PKD1L3: variants seen among roughly 807,000 people sequenced by gnomAD.
PKD1L3 encodes polycystin 1 like 3, transient receptor potential channel interacting, also known as polycystin-1-like protein 3.
PKD1L3 carries 239 observed loss-of-function variants against 184.1 expected under a neutral mutation model. The observed-to-expected ratio is 1.30, with a 90% CI of 1.17 to 1.45. PKD1L3 has a LOEUF of 1.45. Among genes scored for constraint, PKD1L3 ranks in the 40% most tolerant of loss-of-function variants. The probability of loss-of-function intolerance (pLI) is 0.00; values close to 1 mark genes in which losing one functional copy is unlikely to be tolerated. For missense variants in PKD1L3, 2,660 were observed against 2,067.2 expected (o/e 1.29, Z -5.56); for synonymous variants, 996 against 778.8 (o/e 1.28, Z -4.64).
In PKD1L3 at chr16:71,963,291, G is replaced by A. The variant is rs1477784669; in HGVS notation, c.2526C>T (p.Cys842=). The change falls in exon 16 of 30, where the codon TGC becomes TGT. Residue 842 remains cysteine, a synonymous_variant. Transcript: ENST00000620267. ...MAVKRKWHFL[C]NCWLAVDLGD... Reference sequence around the variant, plus strand: ...CGAGGTCCACAGCCAGCCAGCAATTGCACAGGAAATGCCACTTCCTCTTAA... The same window carrying A: ...CGAGGTCCACAGCCAGCCAGCAATTACACAGGAAATGCCACTTCCTCTTAA... 1 of 1,551,394 alleles carries A rather than the reference G, an allele frequency of 6.4e-7. No individual in the cohort carries two copies. The highest frequency in any genetic ancestry group is 8.7e-7 in the Non-Finnish European group (1 of 1,146,822).
rs28573167 is a variant in PKD1L3, at chr16:71,979,481, C to T, written c.1398+305G>A. On this transcript the variant is annotated intron_variant, in intron 9 of 29. Coordinates refer to ENST00000620267, the MANE Select transcript of PKD1L3 (RefSeq NM_181536.2). ...CAAAACAAAACAAGACAAAACAAAACAAAACAAAACAAGAAAACAAAAAAC... is the reference window on the plus strand; with the variant it reads ...CAAAACAAAACAAGACAAAACAAAATAAAACAAAACAAGAAAACAAAAAAC... Among the ~76,000 whole-genome samples the T allele has an allele frequency of 5.3e-5, 8 of 152,058 alleles. No homozygotes were observed. In the South Asian group the frequency reaches 1.7e-3, roughly 32 times the overall value.
intron 3 of PKD1L3, among the ~76,000 whole-genome samples, chr16:71,991,760 G>A (rs1208750804): frequency 2.0e-5 from 3 of 152,310 alleles, no homozygotes; most frequent in Non-Finnish European, 2.9e-5. Flanking sequence ...GTAGCATCAT[G>A]TTCTAAGCAC....
At position 71,930,075 on chromosome 16, in the gene PKD1L3, CA is replaced by C. The variant is rs1179326737; in HGVS notation, c.5034del (p.Phe1678LeufsTer14). On this transcript the variant is annotated frameshift_variant, in exon 29 of 30. Coordinates refer to ENST00000620267, the MANE Select transcript of PKD1L3 (RefSeq NM_181536.2). LOFTEE classifies it low-confidence loss of function (END_TRUNC). ...NLFVSAILMA[F>X]GKERKSLKKE... The stretch of plus-strand genomic sequence containing the variant: ...ACCTTAAGCGACTTTCTTTCTTTTC[CA>C]AAGGCCATGAGAATGGCCGAAACGA... 22 of 1,549,230 alleles carry C rather than the reference CA, an allele frequency of 1.4e-5. No homozygotes were observed. The highest frequency in any genetic ancestry group is 1.8e-5 in the Non-Finnish European group (21 of 1,145,930).
intron 23 of PKD1L3, among the ~76,000 whole-genome samples, 162 bp downstream of exon 23, chr16:71,943,868 G>T (rs1352078447): frequency 6.6e-6 from 1 of 152,244 alleles, no homozygotes; most frequent in Non-Finnish European, 1.5e-5. Flanking sequence ...GATCTGTCCA[G>T]TTACCATCCC....
intron 15 of PKD1L3, 127 bp from the exon 16 acceptor site, chr16:71,963,478 T>G: frequency 9.4e-7 from 1 of 1,058,338 alleles, no homozygotes; most frequent in Non-Finnish European, 1.3e-6. Context: ...AGGCAAGAAC[T>G]AAGGAAAGGA....
At chr16:71,984,300 G>A (rs755667133) in intron 5 of PKD1L3, 133 bp from the exon 6 acceptor site, 16 of 818,374 alleles carry the variant, frequency 2.0e-5, no homozygotes, top group Non-Finnish European at 2.9e-5. Flanking sequence ...CTCTAAAACA[G>A]TGATTACTTT....
intron 4 of PKD1L3, 84 bp downstream of exon 4, chr16:71,990,196 A>T: frequency 8.0e-7 from 1 of 1,242,862 alleles, no homozygotes; most frequent in Non-Finnish European, 1.1e-6. Context: ...AGAACACTCT[A>T]CAAGATAGAG....
In PKD1L3 at chr16:71,986,380, G is replaced by C; in HGVS notation, c.675C>G (p.Ser225Arg). Residue 225 changes from serine to arginine, a missense_variant, in exon 5 of 30, where the codon AGC becomes AGG. By Grantham distance (110) the Ser-to-Arg change is moderately radical (BLOSUM62 -1). Transcript: ENST00000620267. ...GTGTTATCACAGGGAGAGGCTGGCT[G>C]CTGGGTTCAGATGCGGCTGATGTTA... ...SQVTSAASEP[S>R]SQPLPVITQL... The C allele has an allele frequency of 6.4e-7, 1 of 1,551,866 alleles. No homozygotes were observed. Among genetic ancestry groups the C allele is most frequent in the South Asian group, 1.2e-5 (1 of 84,062 alleles).
chr16:71,930,205 T>G lies in PKD1L3; in HGVS notation c.4927-22A>C, dbSNP rs761441538. The G allele has an allele frequency of 2.1e-5, 32 of 1,525,026 alleles. No homozygotes were observed. The South Asian group carries it at 3.9e-4, about 19-fold the overall frequency. 94.5% of individuals were successfully genotyped at this position (1,525,026 alleles called of 1,614,324 possible). Reference sequence around the variant, plus strand: ...AAACCTGGGAAAACAATAAGAACACTTGCAGTGACTGACAATTTAGTTTAT... The same window carrying G: ...AAACCTGGGAAAACAATAAGAACACGTGCAGTGACTGACAATTTAGTTTAT... On this transcript the variant is annotated intron_variant, in intron 28 of 29. Transcript: ENST00000620267.
At chr16:71,964,309 C>CTTTTTTTTTTTTTTTTTT (rs772995457) in intron 15 of PKD1L3, among the ~76,000 whole-genome samples, 2 of 56,658 alleles carry the variant, frequency 3.5e-5, no homozygotes, top group African/African-American at 7.2e-5. Context: ...TCGTCAAAAT[C>CTTTTTTTTTTTTTTTTTT]TTTTTTTTTT....
chr16:71,973,424 C>T lies in PKD1L3; in HGVS notation c.1853G>A (p.Gly618Asp), dbSNP rs1378768598. Residue 618 changes from glycine (G) to aspartate (D), a missense_variant, in exon 12 of 30, where the codon GGT becomes GAT. Physicochemically the swap from Gly to Asp is moderately conservative, Grantham distance 94 (BLOSUM62 -1). Coordinates refer to ENST00000620267, the MANE Select transcript of PKD1L3 (RefSeq NM_181536.2). The stretch of plus-strand genomic sequence containing the variant: ...GACCAAGCTGGGTGTCTGCTGAGCA[C>T]CCTCCTGCCTCTCACTCAGCACAGC... ...ITAVLSERQE[G>D]AQQTPSLVSV... is the part of the protein sequence containing the mutation. 3.9e-6 allele frequency: 6 copies of T among 1,551,558 alleles called. No individual in the cohort carries two copies. The Admixed American group carries it at 5.9e-5, about 15-fold the overall frequency.
chr16:71,996,980 G>C (rs750990539), intron 2 of PKD1L3, among the ~76,000 whole-genome samples: 1 of 139,450 alleles, frequency 7.2e-6, no homozygotes, highest in African/African-American at 2.7e-5. Context: ...TTCTCCTTGA[G>C]TTAGAAAGCG....
chr16:71,936,828 C>T (rs2038197119), intron 25 of PKD1L3, among the ~76,000 whole-genome samples: 1 of 152,116 alleles, frequency 6.6e-6, no homozygotes, highest in South Asian at 2.1e-4. Context: ...GGTATTACTT[C>T]ATATAGGGCT....
rs2038042163 is a variant in PKD1L3 at position 71,933,046 on chromosome 16, C to T, written c.4926+374G>A. Among the ~76,000 whole-genome samples the T allele has an allele frequency of 4.6e-5, 7 of 152,018 alleles. No individual in the cohort carries two copies. In the South Asian group the frequency reaches 1.5e-3, roughly 32 times the overall value. ...CTCAAGCAGTCCTCCCCTTCTTGGCCTCTCATGGCTTGAACCAACTTACCC... is the reference window on the plus strand; with the variant it reads ...CTCAAGCAGTCCTCCCCTTCTTGGCTTCTCATGGCTTGAACCAACTTACCC... On this transcript the variant is annotated intron_variant, in intron 28 of 29. Transcript: ENST00000620267.
intron 15 of PKD1L3, among the ~76,000 whole-genome samples, chr16:71,965,034 G>C (rs189577551): frequency 1.1e-3 from 167 of 151,912 alleles, no homozygotes; most frequent in African/African-American, 3.6e-3. Flanking sequence ...TTTTTGTAGA[G>C]ACAGAATTTC....
chr16:71,991,817 T>C (rs2040601252), intron 3 of PKD1L3, among the ~76,000 whole-genome samples: 1 of 152,158 alleles, frequency 6.6e-6, no homozygotes, highest in African/African-American at 2.4e-5. Context: ...ATTTCTGAAT[T>C]ACAAAAAACT....
intron 27 of PKD1L3, 26 bp downstream of exon 27, chr16:71,933,889 G>A (rs746596710): frequency 1.2e-4 from 193 of 1,546,192 alleles, no homozygotes; most frequent in Middle Eastern, 3.3e-4. Context: ...ACACGGAGAA[G>A]GAGAGACAGC....
Position 71,974,648 on chromosome 16 carries a change from C to A in PKD1L3, c.1760-1131G>T, listed in dbSNP as rs987502292. On this transcript the variant is annotated intron_variant, in intron 11 of 29. Coordinates refer to ENST00000620267, the MANE Select transcript of PKD1L3 (RefSeq NM_181536.2). ...ACAGTGAGTGGAGATCGCACCACTG[C>A]GCTCCACCCTGGGCGACACAGTGAG... Among the ~76,000 whole-genome samples, 12 of 152,170 alleles carry A rather than the reference C, an allele frequency of 7.9e-5. No homozygotes were observed. The East Asian group carries it at 1.7e-3, about 22-fold the overall frequency.
chr16:71,944,236 T>A (rs979615009), intron 22 of PKD1L3, 66 bp from the exon 23 acceptor site: 1 of 1,411,242 alleles, frequency 7.1e-7, no homozygotes, highest in African/African-American at 1.4e-5. Flanking sequence ...TCACCATTCA[T>A]TGAGCATCTA....
Sources: allele counts gnomAD v4.1 joint callset (sites outside exome capture counted in the v4.1 genomes callset), GRCh38; gene constraint gnomAD v4.1.1; transcripts MANE v1.5; gene names NCBI Gene and HGNC (gene_info 2026-07-23, HGNC 2026-07-21).